Variants in DLGAP2 observed in about 807,000 individuals in gnomAD.
DLGAP2 encodes disks large-associated protein 2.
In DLGAP2, 26 loss-of-function variants were observed where a neutral mutation model predicts 100.3. That is an observed-to-expected ratio of 0.26 (90% CI 0.19 to 0.36). The LOEUF is 0.36. Among genes scored for constraint, DLGAP2 ranks in the 10% least tolerant of loss-of-function variants. The pLI is 1.00. For synonymous variants in DLGAP2, 886 were observed against 630.1 expected (o/e 1.41, Z -6.08); for missense variants, 1,858 against 1,453.2 (o/e 1.28, Z -4.53).
chr8:1,668,611 A>G lies in DLGAP2; in HGVS notation c.2093A>G (p.Asp698Gly), dbSNP rs1413144436. 1 of 1,600,758 alleles carries G rather than the reference A, an allele frequency of 6.2e-7. No individual in the cohort carries two copies. The highest frequency in any genetic ancestry group is 1.7e-4 in the Middle Eastern group (1 of 6,046). Residue 698 changes from aspartate to glycine, a missense_variant, in exon 9 of 15, where the codon GAC (aspartate) becomes GGC (glycine). Coordinates refer to ENST00000637795, the MANE Select transcript of DLGAP2 (RefSeq NM_001346810.2). Reference sequence around the variant, plus strand: ...CAGAGCAGCTCTGTGCGGACCAGCGACAAGGCCATCCTGGTGTCCAAGGCG... The same window carrying G: ...CAGAGCAGCTCTGTGCGGACCAGCGGCAAGGCCATCCTGGTGTCCAAGGCG... ...ESQSSSVRTS[D>G]KAILVSKAEE... is the part of the protein sequence containing the mutation.
At chr8:1,420,668 C>G (rs920204133) in intron 3 of DLGAP2, among the ~76,000 whole-genome samples, 3 of 152,146 alleles carry the variant, frequency 2.0e-5, no homozygotes, top group Non-Finnish European at 4.4e-5. Context: ...ACTGCATTCC[C>G]TCTCGCCAAA....
intron 2 of DLGAP2, among the ~76,000 whole-genome samples, chr8:1,012,899 G>A (rs960265596): frequency 4.6e-5 from 7 of 152,072 alleles, no homozygotes; most frequent in East Asian, 1.9e-4. Context: ...AGTATGTGTC[G>A]TGTGCCTGGC....
chr8:924,386 GC>G, intron 2 of DLGAP2, among the ~76,000 whole-genome samples: 1 of 152,220 alleles, frequency 6.6e-6, no homozygotes, highest in East Asian at 1.9e-4. Flanking sequence ...GGAGCCCTGG[GC>G]TTGGACGTTG....
At position 1,691,587 on chromosome 8, in the gene DLGAP2, G is replaced by C; in HGVS notation, c.2757G>C (p.Gln919His). The C allele has an allele frequency of 6.2e-7, 1 of 1,614,140 alleles. No individual in the cohort carries two copies. Among genetic ancestry groups the C allele is most frequent in the Non-Finnish European group, 8.5e-7 (1 of 1,180,000 alleles). The stretch of plus-strand genomic sequence containing the variant: ...GGAGTGCCCAGCTTCTCATGTCCCA[G>C]AAATTCCAGCAGTTTTATTGGCTTT... The part of the protein sequence containing the change: ...AVGSAQLLMS[Q>H]KFQQFYWLCQ... Residue 919 changes from glutamine (Q) to histidine (H), a missense_variant, in exon 13 of 15, where the codon CAG (glutamine) becomes CAC (histidine). Transcript: ENST00000637795.
intron 1 of DLGAP2, among the ~76,000 whole-genome samples, chr8:756,153 T>C (rs1299665489): frequency 6.6e-6 from 1 of 151,954 alleles, no homozygotes; most frequent in African/African-American, 2.4e-5. Context: ...TGCTGGGGGC[T>C]GTGTGAGGAT....
chr8:1,527,165 C>T (rs1219257913), intron 4 of DLGAP2, among the ~76,000 whole-genome samples: 1 of 152,248 alleles, frequency 6.6e-6, no homozygotes, highest in African/African-American at 2.4e-5. Context: ...CCTGTGAGTT[C>T]ACAAATCCGT....
intron 2 of DLGAP2, among the ~76,000 whole-genome samples, chr8:1,134,764 C>T (rs925318825): frequency 1.3e-5 from 2 of 152,112 alleles, no homozygotes; most frequent in Admixed American, 1.3e-4. Flanking sequence ...GCCCATATTA[C>T]GTGGCGGCAG....
intron 3 of DLGAP2, among the ~76,000 whole-genome samples, chr8:1,260,919 G>T (rs74747047): frequency 1.3e-5 from 2 of 152,188 alleles, no homozygotes; most frequent in Non-Finnish European, 2.9e-5. Flanking sequence ...GCCAGAGTGC[G>T]TGGTCCTGGA....
intron 1 of DLGAP2, among the ~76,000 whole-genome samples, chr8:848,918 A>T (rs111897980): frequency 7.3e-5 from 7 of 96,190 alleles, no homozygotes; most frequent in East Asian, 3.3e-4. Flanking sequence ...CAGCATAGGA[A>T]CGCGCGGTGC....
intron 3 of DLGAP2, among the ~76,000 whole-genome samples, chr8:1,448,454 G>A (rs1472126788): frequency 6.6e-6 from 1 of 152,184 alleles, no homozygotes; most frequent in African/African-American, 2.4e-5. Context: ...CTGAGAGACA[G>A]TTTGTTATAA....
intron 2 of DLGAP2, among the ~76,000 whole-genome samples, chr8:972,251 C>T (rs546261437): frequency 1.1e-4 from 17 of 152,180 alleles, no homozygotes; most frequent in African/African-American, 2.9e-4. Context: ...CATCATGCAA[C>T]GAAAAACCTA....
intron 4 of DLGAP2, among the ~76,000 whole-genome samples, chr8:1,507,238 C>A (rs149437183): frequency 6.6e-6 from 1 of 152,186 alleles, no homozygotes; most frequent in African/African-American, 2.4e-5. Context: ...TTGGGCCGCG[C>A]GGGAGCCCAC....
chr8:1,325,696 C>A (rs971339869), intron 3 of DLGAP2, among the ~76,000 whole-genome samples: 1 of 152,194 alleles, frequency 6.6e-6, no homozygotes, highest in Non-Finnish European at 1.5e-5. Context: ...CTCGCGTGTG[C>A]TGCTAGAGAG....
chr8:924,551 C>A (rs980092822), intron 2 of DLGAP2, among the ~76,000 whole-genome samples: 7 of 151,962 alleles, frequency 4.6e-5, no homozygotes, highest in African/African-American at 1.7e-4. Flanking sequence ...GGGAAGCTGG[C>A]ACTGCATGCT....
chr8:1,154,390 A>G (rs17065706), intron 2 of DLGAP2, among the ~76,000 whole-genome samples: 6,813 of 152,120 alleles, frequency 0.045, 519 homozygotes, highest in African/African-American at 0.16. Context: ...TCGAGACACG[A>G]TTTTATCCAG....
At chr8:928,756 G>A (rs893561069) in intron 2 of DLGAP2, among the ~76,000 whole-genome samples, 4 of 152,054 alleles carry the variant, frequency 2.6e-5, no homozygotes, top group Non-Finnish European at 4.4e-5. Flanking sequence ...GATGCAGGAA[G>A]AACCAGAAGA....
chr8:1,433,944 C>CA lies in DLGAP2; in HGVS notation c.107-67419dup, dbSNP rs544446662. Among the ~76,000 whole-genome samples, 44 of 152,206 alleles carry CA rather than the reference C, an allele frequency of 2.9e-4. 1 individual carries two copies. Among genetic ancestry groups the CA allele is most frequent in the Admixed American group, 2.6e-3 (39 of 15,292 alleles). On this transcript the variant is annotated intron_variant, in intron 3 of 14. Transcript: ENST00000637795. Reference sequence around the variant, plus strand: ...AGAAACCGAGAATAACACCTCTTTGCAAACCACAAGCCAAGATTCTTTATG... The same window carrying CA: ...AGAAACCGAGAATAACACCTCTTTGCAAAACCACAAGCCAAGATTCTTTATG...
At chr8:1,677,220 A>G (rs1424744539) in intron 11 of DLGAP2, among the ~76,000 whole-genome samples, 1 of 152,190 alleles carries the variant, frequency 6.6e-6, no homozygotes, top group African/African-American at 2.4e-5. Flanking sequence ...GGCCTCCCTC[A>G]TCAGGGAGCG....
intron 3 of DLGAP2, among the ~76,000 whole-genome samples, chr8:1,487,372 C>G (rs1024822473): frequency 6.6e-6 from 1 of 152,076 alleles, no homozygotes; most frequent in Admixed American, 6.5e-5. Flanking sequence ...AAGAAAACAA[C>G]CAACCACAAA....
Sources: allele counts gnomAD v4.1 joint callset (sites outside exome capture counted in the v4.1 genomes callset), GRCh38; gene constraint gnomAD v4.1.1; transcripts MANE v1.5; gene names NCBI Gene and HGNC (gene_info 2026-07-23, HGNC 2026-07-21).